PTPRG: variants seen among roughly 807,000 people sequenced by gnomAD.
PTPRG encodes protein tyrosine phosphatase receptor type G.
A neutral mutation model predicts 165.3 loss-of-function variants in PTPRG; 102 were observed. The ratio of observed to expected loss-of-function variants is 0.62; its 90% CI spans 0.53 to 0.73. The LOEUF is 0.73. PTPRG is among the 30% of genes least tolerant of loss of function. The pLI, the probability that PTPRG is intolerant of heterozygous loss-of-function variation, is 0.00. For synonymous variants in PTPRG, 675 were observed against 669.5 expected, an observed-to-expected ratio of 1.01 and a Z score of -0.13; for missense variants, 1,866 against 1,861.4, an observed-to-expected ratio of 1.00 and a Z score of -0.05.
At chr3:61,622,348 A>G (rs1234237520) in intron 1 of PTPRG, among the ~76,000 whole-genome samples, 6 of 152,232 alleles carry the variant, frequency 3.9e-5, no homozygotes, top group Non-Finnish European at 7.3e-5. Context: ...GAAGGATTTC[A>G]GGAAGGAGAG....
intron 1 of PTPRG, among the ~76,000 whole-genome samples, chr3:61,678,829 C>T (rs937194787): frequency 1.3e-5 from 2 of 152,050 alleles, no homozygotes; most frequent in Non-Finnish European, 2.9e-5. Context: ...AAGTAAATGC[C>T]CATTGTAATA....
chr3:61,771,385 A>AG (rs1205685649), intron 2 of PTPRG: 1 of 149,348 alleles, frequency 6.7e-6, no homozygotes, highest in Non-Finnish European at 1.5e-5. Flanking sequence ...CTTTCATCTA[A>AG]AAAAAAAAAA....
chr3:61,624,764 C>G (rs75478973), intron 1 of PTPRG, among the ~76,000 whole-genome samples: 4,169 of 151,994 alleles, frequency 0.027, 86 homozygotes, highest in East Asian at 0.064. Flanking sequence ...ACAGTACTTA[C>G]CACTGTGACT....
chr3:62,183,293 G>A (rs1705731605), intron 8 of PTPRG, among the ~76,000 whole-genome samples: 1 of 152,164 alleles, frequency 6.6e-6, no homozygotes, highest in South Asian at 2.1e-4. Flanking sequence ...GGCCGGGCGC[G>A]GGGCTCATGC....
Position 61,906,121 on chromosome 3 carries a change from T to C in PTPRG, c.191-83504T>C, listed in dbSNP as rs138145180. Among the ~76,000 whole-genome samples, 11 of 152,090 alleles carry C rather than the reference T, an allele frequency of 7.2e-5. No homozygotes were observed. The East Asian group carries it at 2.1e-3, about 29-fold the overall frequency. On this transcript the variant is annotated intron_variant, in intron 2 of 29. Transcript: ENST00000474889. ...TTTTGCTGTGGAGAAAGTGAAGTCA[T>C]ATTTGAAGAAAACATTTTAAGACCT...
intron 2 of PTPRG, among the ~76,000 whole-genome samples, chr3:61,871,547 T>G (rs1405634528): frequency 6.6e-6 from 1 of 152,022 alleles, no homozygotes; most frequent in African/African-American, 2.4e-5. Flanking sequence ...TCTCCCTGAG[T>G]GTTTGATTCT....
intron 5 of PTPRG, among the ~76,000 whole-genome samples, chr3:62,129,945 A>AAT (rs1703451346): frequency 6.6e-6 from 1 of 152,218 alleles, no homozygotes; most frequent in African/African-American, 2.4e-5. Flanking sequence ...TAAGCCAGAT[A>AAT]TATTGTTTCA....
chr3:61,678,762 A>G (rs1291447410), intron 1 of PTPRG, among the ~76,000 whole-genome samples: 1 of 152,122 alleles, frequency 6.6e-6, no homozygotes, highest in Non-Finnish European at 1.5e-5. Context: ...AAATAACCCC[A>G]AACACGTGTA....
At chr3:61,618,995 A>C (rs1218103006) in intron 1 of PTPRG, among the ~76,000 whole-genome samples, 1 of 139,878 alleles carries the variant, frequency 7.1e-6, no homozygotes, top group Non-Finnish European at 1.5e-5. Context: ...AAAAAAAAAA[A>C]AAAAGTTAAA....
intron 2 of PTPRG, among the ~76,000 whole-genome samples, chr3:61,980,979 G>C (rs542575796): frequency 6.6e-6 from 1 of 152,282 alleles, no homozygotes; most frequent in African/African-American, 2.4e-5. Context: ...CTCTGTATTA[G>C]TCCGTTCTCA....
rs1413109417 is a variant in PTPRG at position 62,153,153 on chromosome 3, AT to A, written c.683-3911del. Among the ~76,000 whole-genome samples, 8 of 152,292 alleles carry A rather than the reference AT, an allele frequency of 5.3e-5. 2 individuals carry two copies. Among genetic ancestry groups the A allele is most frequent in the South Asian group, 2.1e-4 (1 of 4,822 alleles). On this transcript the variant is annotated intron_variant, in intron 6 of 29. Transcript: ENST00000474889. ...CCTCTTGGCCTGCAAAGCCTAAAAT[AT>A]TTACTCTTTGGTACTTTATAGAAAA...
At chr3:61,793,080 A>T (rs1174226070) in intron 2 of PTPRG, among the ~76,000 whole-genome samples, 4 of 152,184 alleles carry the variant, frequency 2.6e-5, no homozygotes, top group Non-Finnish European at 5.9e-5. Flanking sequence ...AAGTGGAGGA[A>T]AGGTCTCCAA....
intron 2 of PTPRG, among the ~76,000 whole-genome samples, chr3:61,873,875 C>T (rs1370008095): frequency 6.6e-6 from 1 of 152,122 alleles, no homozygotes; most frequent in East Asian, 1.9e-4. Context: ...AGATAGGAGG[C>T]AAGAGACTCA....
chr3:62,182,579 G>A (rs1418187618), intron 8 of PTPRG, among the ~76,000 whole-genome samples: 1 of 152,220 alleles, frequency 6.6e-6, no homozygotes, highest in Non-Finnish European at 1.5e-5. Context: ...ATGACAACAT[G>A]TGTTCACCTT....
intron 2 of PTPRG, among the ~76,000 whole-genome samples, chr3:61,914,334 C>A (rs2038878038): frequency 1.3e-5 from 2 of 152,102 alleles, no homozygotes; most frequent in African/African-American, 4.8e-5. Flanking sequence ...CTTTAAGACC[C>A]AGTTCAAATC....
At chr3:62,136,769 C>T (rs1448531026) in intron 6 of PTPRG, among the ~76,000 whole-genome samples, 3 of 152,218 alleles carry the variant, frequency 2.0e-5, no homozygotes, top group South Asian at 2.1e-4. Flanking sequence ...CCATGTGAGA[C>T]ATGCCTTTCA....
At chr3:62,019,670 G>A (rs1258988219) in intron 4 of PTPRG, among the ~76,000 whole-genome samples, 1 of 152,080 alleles carries the variant, frequency 6.6e-6, no homozygotes, top group African/African-American at 2.4e-5. Context: ...CACACAAATG[G>A]TAAGTACGGG....
intron 16 of PTPRG, among the ~76,000 whole-genome samples, chr3:62,257,629 G>A (rs994427325): frequency 4.6e-5 from 7 of 152,088 alleles, no homozygotes; most frequent in African/African-American, 1.4e-4. Flanking sequence ...AACCCACATG[G>A]TTCACCTTGA....
At chr3:62,287,830 T>TCAAA (rs1206458571) in intron 28 of PTPRG, among the ~76,000 whole-genome samples, 1 of 152,104 alleles carries the variant, frequency 6.6e-6, no homozygotes, top group Non-Finnish European at 1.5e-5. Context: ...TAGAGTCTCT[T>TCAAA]CAAACACAAA....
Sources: gnomAD v4.1 joint callset for allele counts (sites outside exome capture counted in the v4.1 genomes callset) on GRCh38, gnomAD v4.1.1 for gene constraint, MANE v1.5 for transcripts, NCBI Gene and HGNC (gene_info 2026-07-23, HGNC 2026-07-21) for gene names.